LNX2: variants seen among roughly 807,000 people sequenced by gnomAD.
LNX2 encodes ligand of Numb protein X 2.
In LNX2, 35 loss-of-function variants were observed where a neutral mutation model predicts 66.2. The ratio of observed to expected loss-of-function variants is 0.53; its 90% CI spans 0.40 to 0.70. LNX2 has a LOEUF of 0.70. Among genes scored for constraint, LNX2 ranks in the 30% least tolerant of loss-of-function variants. The probability of loss-of-function intolerance (pLI) is 0.00; values close to 1 mark genes in which losing one functional copy is unlikely to be tolerated. For synonymous variants in LNX2, 337 were observed against 315.6 expected (o/e 1.07, Z -0.72); for missense variants, 791 against 850.8 (o/e 0.93, Z 0.87).
intron 4 of LNX2, among the ~76,000 whole-genome samples, chr13:27,565,312 T>C (rs1219787583): frequency 1.3e-5 from 2 of 152,146 alleles, no homozygotes; most frequent in African/African-American, 2.4e-5. Context: ...TAAAAACATT[T>C]GTAACAATAC....
At chr13:27,567,962 G>GT in intron 3 of LNX2, 123 bp from the exon 4 acceptor site, 3 of 777,866 alleles carry the variant, frequency 3.9e-6, no homozygotes, top group Non-Finnish European at 4.3e-6. Context: ...CAGCTAAGCA[G>GT]TATCACTGGA....
At chr13:27,617,891 G>C (rs900550373) in intron 1 of LNX2, among the ~76,000 whole-genome samples, 1 of 152,130 alleles carries the variant, frequency 6.6e-6, no homozygotes, top group Non-Finnish European at 1.5e-5. Context: ...CATTCCACTA[G>C]CTCATTAATG....
At position 27,550,418 on chromosome 13, in the gene LNX2, C is replaced by T; in HGVS notation, c.1852G>A (p.Gly618Arg). The T allele has an allele frequency of 6.2e-7, 1 of 1,613,842 alleles. No individual in the cohort carries two copies. The highest frequency in any genetic ancestry group is 8.5e-7 in the Non-Finnish European group (1 of 1,179,798). ...LGSWGFSIVG[G>R]YEENHTNQPF... ...TGATTGGTGTGGTTCTCTTCATATC[C>T]ACCAACGATACTAAAGCCCCAACTT... The change falls in exon 9 of 10, where the codon GGA (glycine) becomes AGA (arginine). Residue 618 changes from glycine (G) to arginine (R), a missense_variant. Transcript: ENST00000316334.
Position 27,567,849 on chromosome 13 carries a change from T to A in LNX2, c.656-10A>T. ...AGTGGCTGTTGTGTGGCTGCCAAGT[T>A]AAAAATGAGACAGACAAAAACAGAT... On this transcript the variant is annotated splice_polypyrimidine_tract_variant and intron_variant, in intron 3 of 9. Transcript: ENST00000316334. 6.2e-7 allele frequency: 1 copy of A among 1,611,144 alleles called. No individual in the cohort carries two copies. The highest frequency in any genetic ancestry group is 8.5e-7 in the Non-Finnish European group (1 of 1,177,426).
At position 27,612,661 on chromosome 13, in the gene LNX2, C is replaced by A. The variant is rs148676555; in HGVS notation, c.-101+7714G>T. The stretch of plus-strand genomic sequence containing the variant: ...TTGCCCAGGCTGGAGTGCAGTGGCA[C>A]AATCACAGCTCACTGCAGCCTCAAC... On this transcript the variant is annotated intron_variant, in intron 1 of 9. Coordinates refer to ENST00000316334, the MANE Select transcript of LNX2 (RefSeq NM_153371.4). 2.1e-3 allele frequency among the ~76,000 whole-genome samples: 318 copies of A among 152,288 alleles called. 1 individual carries two copies. The highest frequency in any genetic ancestry group is 0.012 in the South Asian group (58 of 4,826).
chr13:27,548,351 G>C lies in LNX2; in HGVS notation c.2057C>G (p.Pro686Arg). The C allele has an allele frequency of 6.2e-7, 1 of 1,613,040 alleles. No homozygotes were observed. The highest frequency in any genetic ancestry group is 8.5e-7 in the Non-Finnish European group (1 of 1,179,644). The change falls in exon 10 of 10, where the codon CCT becomes CGT. Residue 686 changes from proline to arginine, a missense_variant. Coordinates refer to ENST00000316334, the MANE Select transcript of LNX2 (RefSeq NM_153371.4). The stretch of plus-strand genomic sequence containing the variant: ...TTCCAAAATCTATACAAGGCTGCCA[G>C]GCCAACAAATAACGGTCAGAGTGAC... ...NKVTLTVICW[P>R]GSLV is the part of the protein sequence containing the mutation.
At chr13:27,582,608 C>G (rs186503971) in intron 1 of LNX2, among the ~76,000 whole-genome samples, 2 of 152,230 alleles carry the variant, frequency 1.3e-5, no homozygotes, top group Admixed American at 1.3e-4. Context: ...GAAATGTAGT[C>G]TCAAGGATAA....
chr13:27,576,226 A>G (rs1259441616), intron 2 of LNX2, among the ~76,000 whole-genome samples: 1 of 152,230 alleles, frequency 6.6e-6, no homozygotes, highest in African/African-American at 2.4e-5. Context: ...CAAATCAACA[A>G]TAAAGCTTTT....
intron 1 of LNX2, among the ~76,000 whole-genome samples, chr13:27,587,110 A>G (rs999773207): frequency 1.3e-5 from 2 of 152,206 alleles, no homozygotes; most frequent in Non-Finnish European, 2.9e-5. Context: ...GATCCAGCCC[A>G]GGGAAAAAGA....
chr13:27,619,285 G>A (rs3759430), intron 1 of LNX2, among the ~76,000 whole-genome samples: 1 of 151,104 alleles, frequency 6.6e-6, no homozygotes, highest in Non-Finnish European at 1.5e-5. Flanking sequence ...AAGGATACCA[G>A]ATTCCCGCTT....
intron 7 of LNX2, among the ~76,000 whole-genome samples, chr13:27,554,775 G>A (rs575681877): frequency 5.3e-5 from 8 of 152,272 alleles, no homozygotes; most frequent in African/African-American, 1.9e-4. Context: ...ACTATATGAG[G>A]AATCAGTTTA....
intron 5 of LNX2, among the ~76,000 whole-genome samples, chr13:27,562,011 T>C (rs1455084234): frequency 1.3e-5 from 2 of 152,228 alleles, no homozygotes; most frequent in African/African-American, 4.8e-5. Context: ...CCTCTATTTA[T>C]ATAGATCCTG....
chr13:27,586,154 T>G (rs1955484590), intron 1 of LNX2, among the ~76,000 whole-genome samples: 1 of 151,466 alleles, frequency 6.6e-6, no homozygotes, highest in Non-Finnish European at 1.5e-5. Flanking sequence ...TATTGCTGTA[T>G]CTGGCAAATC....
At chr13:27,598,806 A>C (rs12867358) in intron 1 of LNX2, among the ~76,000 whole-genome samples, 16,263 of 152,194 alleles carry the variant, frequency 0.11, 1,065 homozygotes, top group Non-Finnish European at 0.14. Flanking sequence ...ACCTACACAT[A>C]TACAGTATAT....
At chr13:27,558,962 T>G (rs1955096432) in intron 6 of LNX2, among the ~76,000 whole-genome samples, 1 of 152,144 alleles carries the variant, frequency 6.6e-6, no homozygotes, top group Admixed American at 6.5e-5. Context: ...ATAAATAAGT[T>G]TTTGCTTAGT....
At chr13:27,573,201 G>T (rs997715925) in intron 2 of LNX2, among the ~76,000 whole-genome samples, 5 of 152,156 alleles carry the variant, frequency 3.3e-5, no homozygotes, top group Non-Finnish European at 7.3e-5. Flanking sequence ...CATCACAGTG[G>T]AAATCAGGAG....
At chr13:27,555,905 T>C (rs910814689) in intron 7 of LNX2, among the ~76,000 whole-genome samples, 7 of 152,200 alleles carry the variant, frequency 4.6e-5, no homozygotes, top group Non-Finnish European at 1.5e-5. Context: ...ACAGACACTT[T>C]ATTAAAAGAA....
At chr13:27,582,313 C>A (rs924879486) in intron 1 of LNX2, among the ~76,000 whole-genome samples, 3 of 152,048 alleles carry the variant, frequency 2.0e-5, no homozygotes, top group Non-Finnish European at 4.4e-5. Flanking sequence ...AGGTGTGAGC[C>A]ACCGTGCCTG....
intron 3 of LNX2, among the ~76,000 whole-genome samples, chr13:27,568,687 T>C (rs1028303284): frequency 4.6e-5 from 7 of 152,354 alleles, no homozygotes; most frequent in African/African-American, 1.7e-4. Flanking sequence ...TTGTTCTTGA[T>C]GTTGACTTCT....
Sources: allele counts gnomAD v4.1 joint callset (sites outside exome capture counted in the v4.1 genomes callset), GRCh38; gene constraint gnomAD v4.1.1; transcripts MANE v1.5; gene names NCBI Gene and HGNC (gene_info 2026-07-23, HGNC 2026-07-21).